Variants in HSD17B12 observed in about 807,000 individuals in gnomAD.
HSD17B12 encodes the protein hydroxysteroid 17-beta dehydrogenase 12, also known as very-long-chain 3-oxoacyl-CoA reductase.
HSD17B12 carries 32 observed loss-of-function variants against 39.3 expected under a neutral mutation model. That is an observed-to-expected ratio of 0.81 (90% CI 0.61 to 1.09). The LOEUF is 1.09. Among genes scored for constraint, HSD17B12 ranks in the 50% least tolerant of loss-of-function variants. HSD17B12 has a pLI of 0.00. For missense variants in HSD17B12, 342 were observed against 382.9 expected (o/e 0.89, Z 0.89); for synonymous variants, 150 against 146.7 (o/e 1.02, Z -0.16).
chr11:43,649,114 T>C, the HSD17B12 span, among the ~76,000 whole-genome samples: 1 of 146,828 alleles, frequency 6.8e-6, no homozygotes, highest in African/African-American at 2.5e-5. Context: ...ACTTGTGTCT[T>C]TTTTTTTTTT....
At chr11:43,657,422 G>C in the HSD17B12 span, among the ~76,000 whole-genome samples, 1 of 152,210 alleles carries the variant, frequency 6.6e-6, no homozygotes, top group East Asian at 1.9e-4. Flanking sequence ...GTATTGTTAT[G>C]TGTGAATTTG....
chr11:43,563,410 T>G, the HSD17B12 span, among the ~76,000 whole-genome samples: 3 of 152,240 alleles, frequency 2.0e-5, no homozygotes. Context: ...TATTCCAAAT[T>G]TATCTGCTCA....
chr11:43,845,654 T>A (rs530583496), intron 9 of HSD17B12, among the ~76,000 whole-genome samples: 10 of 152,300 alleles, frequency 6.6e-5, no homozygotes, highest in Admixed American at 6.5e-4. Flanking sequence ...ATATCACATA[T>A]GTATGTGATG....
intron 3 of HSD17B12, among the ~76,000 whole-genome samples, chr11:43,765,986 C>T (rs145752449): frequency 0.033 from 4,997 of 152,172 alleles, 295 homozygotes; most frequent in African/African-American, 0.11. Flanking sequence ...CCACTGCGCC[C>T]GGCTAATTTT....
At chr11:43,622,332 T>A in the HSD17B12 span, among the ~76,000 whole-genome samples, 1 of 152,116 alleles carries the variant, frequency 6.6e-6, no homozygotes, top group Non-Finnish European at 1.5e-5. Flanking sequence ...GTTTTATTAT[T>A]TAAAGTTGAA....
intron 6 of HSD17B12, among the ~76,000 whole-genome samples, chr11:43,827,095 C>T (rs375160464): frequency 1.4e-4 from 21 of 152,198 alleles, no homozygotes; most frequent in African/African-American, 4.1e-4. Context: ...AGAGGGAGGG[C>T]AGATGTGGAC....
At chr11:43,842,434 T>C (rs969685668) in intron 9 of HSD17B12, among the ~76,000 whole-genome samples, 1 of 152,222 alleles carries the variant, frequency 6.6e-6, no homozygotes, top group African/African-American at 2.4e-5. Context: ...CACTTGGTGT[T>C]ATTTCTGACT....
the HSD17B12 span, among the ~76,000 whole-genome samples, chr11:43,643,673 G>C: frequency 6.6e-6 from 1 of 152,072 alleles, no homozygotes; most frequent in Non-Finnish European, 1.5e-5. Context: ...GACTTACTTG[G>C]AGTCGCATAA....
chr11:43,736,451 T>C (rs1950317458), intron 1 of HSD17B12, among the ~76,000 whole-genome samples: 1 of 152,060 alleles, frequency 6.6e-6, no homozygotes, highest in Non-Finnish European at 1.5e-5. Flanking sequence ...GGCTGCTCAG[T>C]GGGGAACCTG....
At chr11:43,761,822 A>G (rs1010638929) in intron 3 of HSD17B12, among the ~76,000 whole-genome samples, 7 of 152,220 alleles carry the variant, frequency 4.6e-5, no homozygotes, top group African/African-American at 1.7e-4. Context: ...GCAGAGGCTT[A>G]TGTCTTTGTT....
the HSD17B12 span, among the ~76,000 whole-genome samples, chr11:43,613,744 G>A: frequency 1.3e-5 from 2 of 151,084 alleles, no homozygotes; most frequent in African/African-American, 4.9e-5. Flanking sequence ...TTAGCTCACT[G>A]CAAACTCCGC....
intron 3 of HSD17B12, among the ~76,000 whole-genome samples, chr11:43,783,452 C>A (rs558468254): frequency 4.7e-5 from 7 of 149,392 alleles, no homozygotes; most frequent in Non-Finnish European, 1.5e-5. Context: ...CTGGGATACA[C>A]GTGCAGAACA....
chr11:43,681,218 C>G (rs1949741361), intron 1 of HSD17B12: 1 of 1,247,340 alleles, frequency 8.0e-7, no homozygotes, highest in Non-Finnish European at 1.0e-6. Flanking sequence ...TCCTGGGAAT[C>G]TAAGCTCAGC....
intron 6 of HSD17B12, among the ~76,000 whole-genome samples, chr11:43,827,960 A>G (rs1951263637): frequency 6.6e-6 from 1 of 152,142 alleles, no homozygotes; most frequent in Non-Finnish European, 1.5e-5. Context: ...GTGTGATATA[A>G]CATATATATT....
chr11:43,834,038 A>T (rs934587523), intron 7 of HSD17B12: 3 of 152,152 alleles, frequency 2.0e-5, no homozygotes, highest in African/African-American at 4.8e-5. Flanking sequence ...TGGAATTATG[A>T]CATGTTATGG....
At chr11:43,640,684 G>C in the HSD17B12 span, among the ~76,000 whole-genome samples, 28 of 152,002 alleles carry the variant, frequency 1.8e-4, no homozygotes, top group African/African-American at 6.5e-4. Flanking sequence ...TATATTGAAA[G>C]TATTAAAACT....
At chr11:43,628,795 AAAATT>A in the HSD17B12 span, among the ~76,000 whole-genome samples, 1 of 151,722 alleles carries the variant, frequency 6.6e-6, no homozygotes, top group Non-Finnish European at 1.5e-5. Context: ...ATAATTTAAT[AAAATT>A]AAATTATTTT....
At chr11:43,619,607 G>T in the HSD17B12 span, among the ~76,000 whole-genome samples, 2 of 151,846 alleles carry the variant, frequency 1.3e-5, no homozygotes, top group Admixed American at 1.3e-4. Flanking sequence ...GGCCAGGCTG[G>T]TCTCAAACTC....
chr11:43,784,976 T>G (rs1012746027), intron 3 of HSD17B12, among the ~76,000 whole-genome samples: 8 of 152,168 alleles, frequency 5.3e-5, no homozygotes, highest in Non-Finnish European at 1.2e-4. Flanking sequence ...AAAGTTATCT[T>G]GAGGCATTAA....
Sources: allele counts gnomAD v4.1 joint callset (sites outside exome capture counted in the v4.1 genomes callset), GRCh38; gene constraint gnomAD v4.1.1; transcripts MANE v1.5; gene names NCBI Gene and HGNC (gene_info 2026-07-23, HGNC 2026-07-21).